PRMT9: variants seen among roughly 807,000 people sequenced by gnomAD.
The protein encoded by PRMT9 is protein arginine methyltransferase 9.
In PRMT9, 59 loss-of-function variants were observed where a neutral mutation model predicts 83.2. The observed-to-expected ratio is 0.71, with a 90% CI of 0.57 to 0.88. The LOEUF is 0.88. Ranked by LOEUF, PRMT9 falls within the 40% of genes least tolerant of loss-of-function variation. The probability of loss-of-function intolerance (pLI) is 0.00; values close to 1 mark genes in which losing one functional copy is unlikely to be tolerated. For missense variants in PRMT9, 947 were observed against 1,021.9 expected, an observed-to-expected ratio of 0.93 and a Z score of 1.00; for synonymous variants, 333 against 353.2, an observed-to-expected ratio of 0.94 and a Z score of 0.64.
At chr4:147,659,133 C>T (rs1461600659) in intron 7 of PRMT9, among the ~76,000 whole-genome samples, 2 of 150,870 alleles carry the variant, frequency 1.3e-5, no homozygotes, top group Non-Finnish European at 3.0e-5. Context: ...GAGCCGAGAT[C>T]ACGCCACTGC....
Position 147,653,978 on chromosome 4 carries a change from A to G in PRMT9, c.1919T>C (p.Val640Ala). The G allele has an allele frequency of 2.5e-6, 4 of 1,614,120 alleles. No homozygotes were observed. Among genetic ancestry groups the G allele is most frequent in the Non-Finnish European group, 3.4e-6 (4 of 1,179,978 alleles). ...KETLEFWLRH[V>A]EDESAMLQRP... ...TTGTAACATAGCAGATTCATCCTCC[A>G]CATGTCTCAGCCAAAACTCAAGTGT... Residue 640 changes from valine to alanine, a missense_variant, in exon 9 of 12, where the codon GTG becomes GCG. Physicochemically the swap from Val to Ala is moderately conservative, Grantham distance 64. Transcript: ENST00000322396.
Position 147,660,987 on chromosome 4 carries a change from A to G in PRMT9, c.1005T>C (p.Phe335=). ...CTACAGAAGAATAAGCCGGACTCTGAAATTTCACATTTGTTGGCAAATGGA... is the reference window on the plus strand; with the variant it reads ...CTACAGAAGAATAAGCCGGACTCTGGAATTTCACATTTGTTGGCAAATGGA... ...AGIHLPTNVK[F]QSPAYSSVDT... The change falls in exon 7 of 12, where the codon TTT becomes TTC. Residue 335 remains phenylalanine, a synonymous_variant. Coordinates refer to ENST00000322396, the MANE Select transcript of PRMT9 (RefSeq NM_138364.4). 6.2e-7 allele frequency: 1 copy of G among 1,613,506 alleles called. No individual in the cohort carries two copies. The highest frequency in any genetic ancestry group is 8.5e-7 in the Non-Finnish European group (1 of 1,179,464).
rs554143244 is a variant in PRMT9, at chr4:147,661,177, T to C, written c.954-139A>G. The C allele has an allele frequency of 4.6e-6, 3 of 656,486 alleles. No homozygotes were observed. In the South Asian group the frequency reaches 5.2e-5, roughly 11 times the overall value. 40.7% of individuals were successfully genotyped at this position (656,486 alleles called of 1,614,324 possible). A position where few individuals can be genotyped will look rare whatever the true frequency, so the allele number is the denominator to read the frequency against. On this transcript the variant is annotated intron_variant, in intron 6 of 11. Transcript: ENST00000322396. The stretch of plus-strand genomic sequence containing the variant: ...CAAAGATTTCTTAAACATAACTACA[T>C]AATACACACACATATAAAACCACTA...
At chr4:147,650,683 G>A (rs1734033759) in intron 9 of PRMT9, among the ~76,000 whole-genome samples, 1 of 152,188 alleles carries the variant, frequency 6.6e-6, no homozygotes, top group Non-Finnish European at 1.5e-5. Context: ...CGCCAAGACA[G>A]TCTTGAAAAA....
intron 10 of PRMT9, among the ~76,000 whole-genome samples, chr4:147,642,463 AC>A (rs1176438225): frequency 1.1e-4 from 16 of 152,008 alleles, no homozygotes; most frequent in African/African-American, 3.4e-4. Context: ...CTGGTCTTGA[AC>A]GCCTGACCTC....
At chr4:147,654,892 G>A (rs1734376469) in intron 8 of PRMT9, among the ~76,000 whole-genome samples, 1 of 152,156 alleles carries the variant, frequency 6.6e-6, no homozygotes, top group South Asian at 2.1e-4. Context: ...GTGGAGTACT[G>A]CAGGGGACTC....
chr4:147,653,319 G>A (rs191675896), intron 9 of PRMT9, among the ~76,000 whole-genome samples: 74 of 152,144 alleles, frequency 4.9e-4, no homozygotes, highest in Non-Finnish European at 8.5e-4. Flanking sequence ...GGGTGTGCCT[G>A]TAATCCTAGC....
Position 147,658,034 on chromosome 4 carries a change from G to A in PRMT9, c.1147-59C>T, listed in dbSNP as rs2126603560. On this transcript the variant is annotated intron_variant, in intron 7 of 11. Coordinates refer to ENST00000322396, the MANE Select transcript of PRMT9 (RefSeq NM_138364.4). ...ATATATTTCATATATACTTGCCTCAGTATCTTACCATTTTCCATCTCTGGA... is the reference window on the plus strand; with the variant it reads ...ATATATTTCATATATACTTGCCTCAATATCTTACCATTTTCCATCTCTGGA... 4.3e-6 allele frequency: 5 copies of A among 1,166,686 alleles called. No homozygotes were observed. In the East Asian group the frequency reaches 7.5e-5, roughly 18 times the overall value. 72.3% of individuals were successfully genotyped at this position (1,166,686 alleles called of 1,614,324 possible).
At chr4:147,643,689 A>T (rs963843702) in intron 9 of PRMT9, among the ~76,000 whole-genome samples, 1 of 152,214 alleles carries the variant, frequency 6.6e-6, no homozygotes, top group Non-Finnish European at 1.5e-5. Context: ...ATGTGATTGT[A>T]TTAACATCAA....
At chr4:147,677,705 C>T (rs541138427) in intron 2 of PRMT9, among the ~76,000 whole-genome samples, 2 of 152,152 alleles carry the variant, frequency 1.3e-5, no homozygotes, top group African/African-American at 4.8e-5. Flanking sequence ...GATCTGCCTG[C>T]TTCGGCCTCC....
intron 6 of PRMT9, among the ~76,000 whole-genome samples, chr4:147,663,686 A>G (rs1735129704): frequency 6.6e-6 from 1 of 152,182 alleles, no homozygotes; most frequent in Non-Finnish European, 1.5e-5. Context: ...TTGCTAATGT[A>G]TTATAAACTA....
At position 147,638,436 on chromosome 4, in the gene PRMT9, C is replaced by T. The variant is rs1733152324; in HGVS notation, c.*96G>A. ...ATGTCAATTTTAAAAAATATTTGAC[C>T]ATTACAAGGAATTTTTATATACCCC... On this transcript the variant is annotated 3_prime_UTR_variant, in exon 12 of 12. Transcript: ENST00000322396. The T allele has an allele frequency of 3.5e-6, 3 of 853,706 alleles. No homozygotes were observed. The highest frequency in any genetic ancestry group is 2.8e-5 in the South Asian group (2 of 71,656). 52.9% of individuals were successfully genotyped at this position (853,706 alleles called of 1,614,324 possible).
intron 8 of PRMT9, among the ~76,000 whole-genome samples, chr4:147,656,771 C>CAAAAAAAAAAAAAAAAAAAA (rs1023416920): frequency 6.3e-5 from 3 of 47,954 alleles, no homozygotes; most frequent in African/African-American, 1.0e-4. Flanking sequence ...GACTCTGTCT[C>CAAAAAAAAAAAAAAAAAAAA]AAAAAAAAAA....
Position 147,684,093 on chromosome 4 carries a change from C to A in PRMT9, c.-106G>T. 2.3e-6 allele frequency: 3 copies of A among 1,284,302 alleles called. No individual in the cohort carries two copies. Among genetic ancestry groups the A allele is most frequent in the South Asian group, 2.5e-5 (2 of 78,972 alleles). The allele number at this position is 1,284,302 out of a possible 1,614,324, so 79.6% of individuals were successfully genotyped here. On this transcript the variant is annotated 5_prime_UTR_variant, in exon 1 of 12. Transcript: ENST00000322396. ...GACCAGACAACTGCTCAAAAAACAG[C>A]ACAGCAAAGTTACCCTCCGCCGCGG...
In PRMT9 at chr4:147,660,908, C is replaced by T; in HGVS notation, c.1084G>A (p.Gly362Arg). 3 of 1,613,794 alleles carry T rather than the reference C, an allele frequency of 1.9e-6. No individual in the cohort carries two copies. The highest frequency in any genetic ancestry group is 2.5e-6 in the Non-Finnish European group (3 of 1,179,788). The change falls in exon 7 of 12, where the codon GGA (glycine) becomes AGA (arginine). Residue 362 changes from glycine (G) to arginine (R), a missense_variant. By Grantham distance (125) the Gly-to-Arg change is moderately radical (BLOSUM62 -2). Transcript: ENST00000322396. ...YTTEKMSRVPGGYLALTECFE... is the reference protein window; with the variant it reads ...YTTEKMSRVPRGYLALTECFE... ...CACTCTGTCAAAGCCAAATATCCTC[C>T]AGGAACTCGACTCATCTTTTCAGTT...
chr4:147,642,397 C>T (rs909175711), intron 10 of PRMT9, among the ~76,000 whole-genome samples: 1 of 152,008 alleles, frequency 6.6e-6, no homozygotes. Flanking sequence ...CACCACCACA[C>T]CTGGCTAATT....
intron 6 of PRMT9, among the ~76,000 whole-genome samples, chr4:147,664,634 T>C (rs1465410265): frequency 1.3e-5 from 2 of 152,012 alleles, no homozygotes; most frequent in Non-Finnish European, 2.9e-5. Context: ...CCAGGGCCTG[T>C]TGGGGGATAG....
At chr4:147,670,810 C>T (rs1735678292) in intron 4 of PRMT9, 67 bp from the exon 5 acceptor site, 1 of 1,017,310 alleles carries the variant, frequency 9.8e-7, no homozygotes, top group Non-Finnish European at 1.5e-6. Context: ...GATGTCAAAG[C>T]TGAGAGGAGA....
At chr4:147,645,739 C>G (rs1308939519) in intron 9 of PRMT9, among the ~76,000 whole-genome samples, 1 of 152,140 alleles carries the variant, frequency 6.6e-6, no homozygotes, top group African/African-American at 2.4e-5. Context: ...CTCACTCTCT[C>G]CTAAAGACAA....
Sources: allele counts gnomAD v4.1 joint callset (sites outside exome capture counted in the v4.1 genomes callset), GRCh38; gene constraint gnomAD v4.1.1; transcripts MANE v1.5; gene names NCBI Gene and HGNC (gene_info 2026-07-23, HGNC 2026-07-21).